PVT1: variants seen among roughly 807,000 people sequenced by gnomAD.
The protein encoded by PVT1 is Pvt1 oncogene.
intron 2 of PVT1, among the ~76,000 whole-genome samples, chr8:127,881,864 C>A (rs969406428): frequency 2.6e-5 from 4 of 152,080 alleles, no homozygotes; most frequent in African/African-American, 9.7e-5. Flanking sequence ...ACCTCAGCCT[C>A]CTGAGTAGCT....
intron 2 of PVT1, among the ~76,000 whole-genome samples, chr8:127,876,240 C>A (rs180918599): frequency 7.1e-6 from 1 of 140,022 alleles, no homozygotes; most frequent in Non-Finnish European, 1.5e-5. Context: ...TTCACACACA[C>A]GCCCCAAACA....
At chr8:128,066,317 G>A (rs1401649563) in intron 4 of PVT1, among the ~76,000 whole-genome samples, 1 of 152,152 alleles carries the variant, frequency 6.6e-6, no homozygotes, top group Non-Finnish European at 1.5e-5. Flanking sequence ...CCCTCCAGAG[G>A]TCATTCTCTC....
intron 3 of PVT1, among the ~76,000 whole-genome samples, chr8:127,987,803 A>G (rs542111489): frequency 1.3e-5 from 2 of 152,376 alleles, no homozygotes; most frequent in African/African-American, 2.4e-5. Flanking sequence ...CATTTTGACA[A>G]TAAGGCTAAA....
chr8:127,859,781 CG>C (rs1437803821), intron 2 of PVT1, among the ~76,000 whole-genome samples: 3 of 151,958 alleles, frequency 2.0e-5, no homozygotes, highest in African/African-American at 4.8e-5. Context: ...TAGCCTCAAT[CG>C]CCTTATCTGT....
intron 4 of PVT1, among the ~76,000 whole-genome samples, chr8:128,067,779 C>T (rs1393850542): frequency 1.3e-5 from 2 of 152,060 alleles, no homozygotes; most frequent in African/African-American, 4.8e-5. Flanking sequence ...TGATGTGGGG[C>T]CTCCCTGCTT....
intron 3 of PVT1, among the ~76,000 whole-genome samples, chr8:127,915,651 C>G (rs1353155415): frequency 1.3e-5 from 2 of 148,170 alleles, no homozygotes; most frequent in Non-Finnish European, 3.0e-5. Context: ...TATGTGGACA[C>G]TATGTCTGGC....
chr8:127,907,182 TAGTCTTGAA>T (rs1256390614), intron 3 of PVT1, among the ~76,000 whole-genome samples: 2 of 152,052 alleles, frequency 1.3e-5, no homozygotes, highest in Non-Finnish European at 2.9e-5. Context: ...TTGGCCAGGC[TAGTCTTGAA>T]CTCCTGACCT....
intron 4 of PVT1, among the ~76,000 whole-genome samples, chr8:128,068,894 A>G (rs898543072): frequency 3.9e-5 from 6 of 152,236 alleles, no homozygotes; most frequent in Admixed American, 3.3e-4. Context: ...GTCAAGAGGC[A>G]TCAAAGCCTT....
At chr8:127,876,253 A>AGT (rs56039408) in intron 2 of PVT1, among the ~76,000 whole-genome samples, 9,186 of 149,130 alleles carry the variant, frequency 0.062, 315 homozygotes, top group Non-Finnish European at 0.084. Flanking sequence ...CCCAAACAGC[A>AGT]GTGTGTGTGT....
intron 2 of PVT1, among the ~76,000 whole-genome samples, chr8:127,869,873 G>T (rs1417629544): frequency 6.6e-6 from 1 of 152,090 alleles, no homozygotes; most frequent in Non-Finnish European, 1.5e-5. Flanking sequence ...GCGTGATCTC[G>T]GCTTACTGCA....
chr8:128,008,459 G>A (rs569739677), intron 4 of PVT1, among the ~76,000 whole-genome samples: 44 of 152,318 alleles, frequency 2.9e-4, no homozygotes, highest in African/African-American at 1.0e-3. Flanking sequence ...CACAGGCTCT[G>A]GTGTGTTCAC....
At chr8:127,819,297 C>T (rs1814702218) in intron 2 of PVT1, among the ~76,000 whole-genome samples, 1 of 152,308 alleles carries the variant, frequency 6.6e-6, no homozygotes, top group Middle Eastern at 3.4e-3. Context: ...TCACTTGAAT[C>T]CTCTTGGATC....
chr8:127,837,143 A>G (rs1366568353), intron 2 of PVT1, among the ~76,000 whole-genome samples: 1 of 152,164 alleles, frequency 6.6e-6, no homozygotes, highest in Non-Finnish European at 1.5e-5. Context: ...CCCTTCAGCC[A>G]TAATTATCAC....
At chr8:127,911,213 G>A (rs551984223) in intron 3 of PVT1, among the ~76,000 whole-genome samples, 3 of 152,142 alleles carry the variant, frequency 2.0e-5, no homozygotes, top group African/African-American at 7.2e-5. Flanking sequence ...CCTATGTCGG[G>A]CTCCTCTTAT....
intron 3 of PVT1, among the ~76,000 whole-genome samples, chr8:127,913,754 G>A (rs1815939862): frequency 6.6e-6 from 1 of 152,208 alleles, no homozygotes; most frequent in African/African-American, 2.4e-5. Flanking sequence ...GTCTGTGTGG[G>A]ATTAAGTCGT....
intron 4 of PVT1, among the ~76,000 whole-genome samples, chr8:128,068,468 G>T (rs1813938886): frequency 6.6e-6 from 1 of 152,036 alleles, no homozygotes. Context: ...CCCCCATCAG[G>T]TTGCCAAAAA....
chr8:127,889,800 A>G (rs1186336164), intron 2 of PVT1, among the ~76,000 whole-genome samples: 2 of 152,188 alleles, frequency 1.3e-5, no homozygotes, highest in Non-Finnish European at 2.9e-5. Flanking sequence ...AGGGTGTTTG[A>G]GAGATCATAT....
intron 4 of PVT1, among the ~76,000 whole-genome samples, chr8:128,021,142 C>T (rs113260747): frequency 6.6e-6 from 1 of 152,198 alleles, no homozygotes; most frequent in African/African-American, 2.4e-5. Context: ...TCCTGGAGTG[C>T]GGCTTTGCTT....
At chr8:127,864,586 C>A (rs1586412373) in intron 2 of PVT1, among the ~76,000 whole-genome samples, 1 of 151,898 alleles carries the variant, frequency 6.6e-6, no homozygotes, top group East Asian at 1.9e-4. Context: ...CTTGCTCTGT[C>A]ACCCAGGCTG....
Sources: gnomAD v4.1 joint callset for allele counts (sites outside exome capture counted in the v4.1 genomes callset) on GRCh38, gnomAD v4.1.1 for gene constraint, MANE v1.5 for transcripts, NCBI Gene and HGNC (gene_info 2026-07-23, HGNC 2026-07-21) for gene names.